Variants in KCNAB1 observed in about 807,000 individuals in gnomAD.
The protein encoded by KCNAB1 is potassium voltage-gated channel subfamily A regulatory beta subunit 1, also known as voltage-gated potassium channel subunit beta-1.
Under a neutral mutation model 64.6 loss-of-function variants are expected in KCNAB1, and 35 were observed. The observed-to-expected ratio is 0.54, with a 90% CI of 0.41 to 0.72. The LOEUF is 0.72. Ranked by LOEUF, KCNAB1 falls within the 30% of genes least tolerant of loss-of-function variation. The pLI is 0.00. For missense variants in KCNAB1, 401 were observed against 512.9 expected (o/e 0.78, Z 2.11); for synonymous variants, 177 against 183.8 (o/e 0.96, Z 0.30).
Position 156,436,663 on chromosome 3 carries a change from T to C in KCNAB1, c.319+15004T>C, listed in dbSNP as rs1051705235. Among the ~76,000 whole-genome samples the C allele has an allele frequency of 2.6e-4, 39 of 152,236 alleles. 1 individual carries two copies. Among genetic ancestry groups the C allele is most frequent in the African/African-American group, 8.9e-4 (37 of 41,460 alleles). On this transcript the variant is annotated intron_variant, in intron 2 of 13. Coordinates refer to ENST00000490337, the MANE Select transcript of KCNAB1 (RefSeq NM_172160.3). ...GCTTTGATTTGCTTTTCTCTAATGA[T>C]CAGTGATGTTGAGCTTTTTGTCATA...
intron 1 of KCNAB1, among the ~76,000 whole-genome samples, chr3:156,206,301 A>G (rs188132241): frequency 4.9e-4 from 74 of 152,320 alleles, no homozygotes; most frequent in Admixed American, 4.8e-3. Context: ...TCCTGGCTCC[A>G]GTGACTGGCT....
intron 2 of KCNAB1, among the ~76,000 whole-genome samples, chr3:156,433,845 G>A (rs540889690): frequency 2.1e-4 from 32 of 152,248 alleles, no homozygotes; most frequent in Admixed American, 3.3e-4. Context: ...TTCCCATCAC[G>A]ATCCCTCTTA....
intron 8 of KCNAB1, among the ~76,000 whole-genome samples, chr3:156,501,801 G>T (rs1716429488): frequency 1.3e-5 from 2 of 152,092 alleles, no homozygotes; most frequent in African/African-American, 4.8e-5. Flanking sequence ...TCCGAGACTG[G>T]GAAGAAAAAG....
intron 1 of KCNAB1, among the ~76,000 whole-genome samples, chr3:156,214,623 T>C (rs1475259248): frequency 6.6e-6 from 1 of 152,188 alleles, no homozygotes; most frequent in African/African-American, 2.4e-5. Flanking sequence ...ACTGCAGTGA[T>C]CTCAAGGTAG....
chr3:156,232,121 A>G (rs1341728654), intron 1 of KCNAB1, among the ~76,000 whole-genome samples: 2 of 152,214 alleles, frequency 1.3e-5, no homozygotes, highest in Admixed American at 1.3e-4. Flanking sequence ...AAATATTTAA[A>G]TAGCATCTAA....
intron 1 of KCNAB1, among the ~76,000 whole-genome samples, chr3:156,274,501 G>A (rs987560862): frequency 6.6e-6 from 1 of 150,520 alleles, no homozygotes; most frequent in East Asian, 1.9e-4. Flanking sequence ...GGAGCATAAG[G>A]TAAGAACTTT....
chr3:156,440,199 T>C (rs899509687), intron 2 of KCNAB1, among the ~76,000 whole-genome samples: 2 of 152,250 alleles, frequency 1.3e-5, no homozygotes, highest in Admixed American at 6.5e-5. Flanking sequence ...CAAGAAGGCT[T>C]GCCTTGTGTA....
chr3:156,462,527 A>G (rs1435697533), intron 5 of KCNAB1, among the ~76,000 whole-genome samples: 7 of 152,070 alleles, frequency 4.6e-5, no homozygotes, highest in African/African-American at 1.7e-4. Flanking sequence ...GTATTTATCG[A>G]CCTTCCATTA....
chr3:156,317,993 G>A (rs1722391639), intron 1 of KCNAB1, among the ~76,000 whole-genome samples: 1 of 152,146 alleles, frequency 6.6e-6, no homozygotes, highest in South Asian at 2.1e-4. Context: ...GATACCTAAG[G>A]TAGAGGTACT....
At chr3:156,489,554 A>G (rs1017467329) in intron 8 of KCNAB1, among the ~76,000 whole-genome samples, 4 of 152,284 alleles carry the variant, frequency 2.6e-5, no homozygotes, top group East Asian at 3.9e-4. Flanking sequence ...AAAGCCACTT[A>G]GCCTCTGACT....
rs562127679 is a variant in KCNAB1 at position 156,499,641 on chromosome 3, G to T, written c.659-14723G>T. 1.3e-3 allele frequency among the ~76,000 whole-genome samples: 195 copies of T among 152,230 alleles called. 1 individual carries two copies. The highest frequency in any genetic ancestry group is 1.6e-3 in the Non-Finnish European group (106 of 68,010). ...ATTCTGTTTGAGCTTGGGGGCTAGT[G>T]GGTAGGGCTGGTTTTAGAGAGAAAT... On this transcript the variant is annotated intron_variant, in intron 8 of 13. Transcript: ENST00000490337.
chr3:156,293,840 C>A (rs536122983), intron 1 of KCNAB1, among the ~76,000 whole-genome samples: 14 of 152,370 alleles, frequency 9.2e-5, no homozygotes, highest in African/African-American at 3.4e-4. Flanking sequence ...CTTGTGGACA[C>A]AGTGCTGCTC....
chr3:156,240,974 T>C (rs1717130135), intron 1 of KCNAB1, among the ~76,000 whole-genome samples: 1 of 152,238 alleles, frequency 6.6e-6, no homozygotes, highest in African/African-American at 2.4e-5. Context: ...AAACTCATAA[T>C]TCAGTGCCAT....
chr3:156,199,129 A>C (rs1714161582), intron 1 of KCNAB1, among the ~76,000 whole-genome samples: 2 of 152,038 alleles, frequency 1.3e-5, no homozygotes, highest in Admixed American at 1.3e-4. Flanking sequence ...TTTCTTTAAG[A>C]ATGTTAAATA....
At chr3:156,288,375 C>G (rs1019783513) in intron 1 of KCNAB1, among the ~76,000 whole-genome samples, 1 of 152,146 alleles carries the variant, frequency 6.6e-6, no homozygotes, top group Non-Finnish European at 1.5e-5. Flanking sequence ...ATATTTACAC[C>G]CACATCTATA....
At chr3:156,273,553 A>G (rs1427316816) in intron 1 of KCNAB1, 1 of 456,402 alleles carries the variant, frequency 2.2e-6, no homozygotes, top group East Asian at 6.9e-5. Flanking sequence ...CCCTAAGCAC[A>G]CAGATGCTCT....
At chr3:156,297,364 G>C (rs1418610583) in intron 1 of KCNAB1, among the ~76,000 whole-genome samples, 1 of 150,992 alleles carries the variant, frequency 6.6e-6, no homozygotes, top group African/African-American at 2.4e-5. Context: ...GCTCCATGGA[G>C]GGTAAGATAT....
intron 1 of KCNAB1, among the ~76,000 whole-genome samples, chr3:156,372,680 C>A (rs376985126): frequency 2.0e-5 from 3 of 152,082 alleles, no homozygotes; most frequent in African/African-American, 7.2e-5. Context: ...GCTGGGTTTG[C>A]CAGGTAGAGG....
rs938428249 is a variant in KCNAB1 at position 156,410,104 on chromosome 3, T to C, written c.276-11512T>C. On this transcript the variant is annotated intron_variant, in intron 1 of 13. Coordinates refer to ENST00000490337, the MANE Select transcript of KCNAB1 (RefSeq NM_172160.3). ...AATGTGAGAACGTTTGTAGATAAAA[T>C]GAAATTAAATAATAAAAGGATGTTG... Among the ~76,000 whole-genome samples the C allele has an allele frequency of 1.3e-5, 2 of 152,346 alleles. 1 individual carries two copies. Among genetic ancestry groups the C allele is most frequent in the Non-Finnish European group, 2.9e-5 (2 of 68,034 alleles).
Sources: gnomAD v4.1 joint callset for allele counts (sites outside exome capture counted in the v4.1 genomes callset) on GRCh38, gnomAD v4.1.1 for gene constraint, MANE v1.5 for transcripts, NCBI Gene and HGNC (gene_info 2026-07-23, HGNC 2026-07-21) for gene names.